Variants in CDC14B observed in about 807,000 individuals in gnomAD.
CDC14B encodes the protein dual specificity protein phosphatase CDC14B.
Under a neutral mutation model 64.2 loss-of-function variants are expected in CDC14B, and 22 were observed. That is an observed-to-expected ratio of 0.34 (90% CI 0.24 to 0.49). CDC14B has a LOEUF of 0.49. Among genes scored for constraint, CDC14B ranks in the 20% least tolerant of loss-of-function variants. The pLI, the probability that CDC14B is intolerant of heterozygous loss-of-function variation, is 0.99. For synonymous variants in CDC14B, 191 were observed against 215.8 expected, an observed-to-expected ratio of 0.89 and a Z score of 1.01; for missense variants, 498 against 629.9, an observed-to-expected ratio of 0.79 and a Z score of 2.24.
Position 96,602,286 on chromosome 9 carries a change from T to C in CDC14B, c.160+16933A>G, listed in dbSNP as rs542542518. Among the ~76,000 whole-genome samples the C allele has an allele frequency of 1.6e-4, 24 of 152,258 alleles. No homozygotes were observed. In the South Asian group the frequency reaches 4.4e-3, roughly 28 times the overall value. ...TGAGAAGATGCTGCTCATCAGCCCA[T>C]GTCCCCAAGCAGTCACAACAAGCAC... is the stretch of plus-strand genomic sequence containing the variant. On this transcript the variant is annotated intron_variant, in intron 1 of 13. Coordinates refer to ENST00000375241, the MANE Select transcript of CDC14B (RefSeq NM_033331.4).
intron 5 of CDC14B, among the ~76,000 whole-genome samples, chr9:96,549,877 T>A (rs1841550555): frequency 6.6e-6 from 1 of 152,202 alleles, no homozygotes; most frequent in African/African-American, 2.4e-5. Flanking sequence ...TAAGCAATGC[T>A]TATTCTGTTT....
At chr9:96,499,944 A>G (rs1161334766), downstream of CDC14B, among the ~76,000 whole-genome samples, 3 of 152,234 alleles carry the variant, frequency 2.0e-5, no homozygotes, top group African/African-American at 7.2e-5. Context: ...TGCAGCCTCC[A>G]GAACTGTGAG....
intron 1 of CDC14B, among the ~76,000 whole-genome samples, chr9:96,590,631 C>T (rs1368705884): frequency 2.0e-5 from 3 of 151,596 alleles, no homozygotes; most frequent in South Asian, 2.1e-4. Context: ...TCCACATCCT[C>T]GCCAACATTT....
At chr9:96,568,825 G>A (rs1408958422) in intron 1 of CDC14B, among the ~76,000 whole-genome samples, 2 of 151,978 alleles carry the variant, frequency 1.3e-5, no homozygotes, top group Admixed American at 1.3e-4. Flanking sequence ...GCTGAGACAG[G>A]AGAATCGTTT....
At chr9:96,504,185 T>G (rs971048183) in intron 13 of CDC14B, among the ~76,000 whole-genome samples, 2 of 151,876 alleles carry the variant, frequency 1.3e-5, no homozygotes, top group Admixed American at 1.3e-4. Flanking sequence ...GCGGGCAGAA[T>G]GAAAAGATAG....
chr9:96,533,402 A>G (rs1838793615), intron 9 of CDC14B, among the ~76,000 whole-genome samples: 1 of 152,238 alleles, frequency 6.6e-6, no homozygotes, highest in Non-Finnish European at 1.5e-5. Context: ...AACTCTGGAG[A>G]TCAGTCTCCC....
intron 1 of CDC14B, among the ~76,000 whole-genome samples, chr9:96,614,967 AGTAGCT>A (rs1219976598): frequency 1.3e-5 from 2 of 152,176 alleles, no homozygotes; most frequent in Non-Finnish European, 2.9e-5. Flanking sequence ...CAGCCTCCCA[AGTAGCT>A]GGGACTATAG....
chr9:96,595,185 T>G (rs950173540), intron 1 of CDC14B, among the ~76,000 whole-genome samples: 1 of 152,068 alleles, frequency 6.6e-6, no homozygotes, highest in Non-Finnish European at 1.5e-5. Flanking sequence ...CAACTAAGCA[T>G]TGGTCCAGGT....
chr9:96,595,438 G>A (rs572691641), intron 1 of CDC14B, among the ~76,000 whole-genome samples: 6 of 152,230 alleles, frequency 3.9e-5, no homozygotes, highest in East Asian at 1.9e-4. Flanking sequence ...AGAGAAAGAC[G>A]CTACAAGTTA....
intron 1 of CDC14B, among the ~76,000 whole-genome samples, chr9:96,574,346 CA>C (rs1223557062): frequency 6.6e-6 from 1 of 151,990 alleles, no homozygotes; most frequent in African/African-American, 2.4e-5. Flanking sequence ...ACACGTGGGA[CA>C]ACTTGTTGTC....
At chr9:96,584,692 C>T (rs1361635286) in intron 1 of CDC14B, among the ~76,000 whole-genome samples, 1 of 152,180 alleles carries the variant, frequency 6.6e-6, no homozygotes, top group African/African-American at 2.4e-5. Flanking sequence ...CCCGCTTTGT[C>T]GCCCAGGCTG....
intron 1 of CDC14B, among the ~76,000 whole-genome samples, chr9:96,592,429 G>T (rs960634672): frequency 3.9e-5 from 6 of 152,172 alleles, no homozygotes; most frequent in Admixed American, 2.6e-4. Flanking sequence ...ATCGAGCAAA[G>T]AAATCTATTC....
intron 1 of CDC14B, among the ~76,000 whole-genome samples, chr9:96,565,884 T>G (rs1843838959): frequency 1.3e-5 from 2 of 152,248 alleles, no homozygotes; most frequent in Non-Finnish European, 1.5e-5. Context: ...AAAAAGTCAT[T>G]TCAGTAAGAA....
intron 1 of CDC14B, among the ~76,000 whole-genome samples, chr9:96,610,259 G>A (rs558680465): frequency 8.5e-5 from 13 of 152,076 alleles, no homozygotes; most frequent in African/African-American, 2.9e-4. Flanking sequence ...GTGAAGTGGC[G>A]CAATCTCAGC....
At chr9:96,554,470 T>C (rs1842240307) in intron 4 of CDC14B, among the ~76,000 whole-genome samples, 1 of 152,186 alleles carries the variant, frequency 6.6e-6, no homozygotes, top group Non-Finnish European at 1.5e-5. Context: ...AAATAGTCTG[T>C]AATACATTAA....
intron 12 of CDC14B, among the ~76,000 whole-genome samples, chr9:96,516,118 C>A (rs1009934675): frequency 6.6e-6 from 1 of 152,116 alleles, no homozygotes; most frequent in African/African-American, 2.4e-5. Flanking sequence ...TGTGCACACA[C>A]AGAAAACTAA....
chr9:96,509,552 T>C (rs1834622112), intron 13 of CDC14B, 121 bp downstream of exon 13: 5 of 729,722 alleles, frequency 6.9e-6, no homozygotes, highest in Non-Finnish European at 1.2e-5. Flanking sequence ...TTTGATGAAT[T>C]TCCCATCACA....
intron 7 of CDC14B, among the ~76,000 whole-genome samples, chr9:96,534,940 C>T (rs1250523310): frequency 6.6e-6 from 1 of 152,186 alleles, no homozygotes. Flanking sequence ...GACTAACTGG[C>T]TTCCAACATG....
rs16911013 is a variant in CDC14B, at chr9:96,504,321, G to A, written c.1461-532C>T. ...CGGGCTACCTGCCTCCGCACTCCACGATTCTCATCCTGCCTCTCTTCTCTC... is the reference window on the plus strand; with the variant it reads ...CGGGCTACCTGCCTCCGCACTCCACAATTCTCATCCTGCCTCTCTTCTCTC... On this transcript the variant is annotated intron_variant, in intron 13 of 13. Coordinates refer to ENST00000375241, the MANE Select transcript of CDC14B (RefSeq NM_033331.4). Among the ~76,000 whole-genome samples, 526 of 151,708 alleles carry A rather than the reference G, an allele frequency of 3.5e-3. 27 individuals carry two copies. In the East Asian group the frequency reaches 0.088, roughly 25 times the overall value.
Sources: allele counts gnomAD v4.1 joint callset (sites outside exome capture counted in the v4.1 genomes callset), GRCh38; gene constraint gnomAD v4.1.1; transcripts MANE v1.5; gene names NCBI Gene and HGNC (gene_info 2026-07-23, HGNC 2026-07-21).